PLEKHG1: variants seen among roughly 807,000 people sequenced by gnomAD.
PLEKHG1 encodes pleckstrin homology domain-containing family G member 1.
A neutral mutation model predicts 100.8 loss-of-function variants in PLEKHG1; 44 were observed. The ratio of observed to expected loss-of-function variants is 0.44; its 90% CI spans 0.34 to 0.56. The LOEUF (loss-of-function observed/expected upper bound fraction) is 0.56. PLEKHG1 is among the 20% of genes least tolerant of loss of function. The pLI, the probability that PLEKHG1 is intolerant of heterozygous loss-of-function variation, is 0.01. For synonymous variants in PLEKHG1, 640 were observed against 662.5 expected (o/e 0.97, Z 0.52); for missense variants, 1,545 against 1,720.9 (o/e 0.90, Z 1.81).
upstream of PLEKHG1, among the ~76,000 whole-genome samples, chr6:150,720,157 G>A (rs1180314957): frequency 4.6e-5 from 7 of 152,142 alleles, no homozygotes; most frequent in Non-Finnish European, 1.0e-4. Flanking sequence ...TTTTGAATTT[G>A]AGTTCCACAG....
At chr6:150,820,431 T>A (rs564027282) in intron 12 of PLEKHG1, among the ~76,000 whole-genome samples, 1 of 152,312 alleles carries the variant, frequency 6.6e-6, no homozygotes, top group East Asian at 1.9e-4. Flanking sequence ...AACTATTGTC[T>A]TAGTTCAGAC....
At chr6:150,839,877 T>C in exon 16 of PLEKHG1, 1 of 1,613,994 alleles carries the variant, frequency 6.2e-7, no homozygotes, top group East Asian at 2.2e-5. Context: ...CCAGATTGTA[T>C]TCAGAGAGTC....
intron 3 of PLEKHG1, among the ~76,000 whole-genome samples, chr6:150,703,442 A>G (rs1362345614): frequency 6.6e-6 from 1 of 151,998 alleles, no homozygotes; most frequent in African/African-American, 2.4e-5. Flanking sequence ...CTCTACTAAA[A>G]ATACAAAAAT....
chr6:150,778,943 A>G (rs1785140834), intron 3 of PLEKHG1, among the ~76,000 whole-genome samples: 1 of 152,236 alleles, frequency 6.6e-6, no homozygotes, highest in African/African-American at 2.4e-5. Context: ...AAGATATGAC[A>G]GTGTGGAGTC....
intron 6 of PLEKHG1, among the ~76,000 whole-genome samples, chr6:150,801,629 A>G (rs893326320): frequency 6.6e-6 from 1 of 151,518 alleles, no homozygotes. Flanking sequence ...TGGTAGAGAT[A>G]GAGTTTCACC....
intron 12 of PLEKHG1, among the ~76,000 whole-genome samples, chr6:150,820,340 A>T (rs1776225585): frequency 6.6e-6 from 1 of 152,220 alleles, no homozygotes; most frequent in Non-Finnish European, 1.5e-5. Flanking sequence ...GCTAATGAAA[A>T]ATCACGTCCT....
chr6:150,677,283 T>TACGCACACACACACACAC (rs756621195), intron 3 of PLEKHG1, among the ~76,000 whole-genome samples: 22 of 134,264 alleles, frequency 1.6e-4, no homozygotes, highest in African/African-American at 5.1e-4. Flanking sequence ...TTTCTTCCCC[T>TACGCACACACACACACAC]ATACACACAC....
intron 3 of PLEKHG1, chr6:150,663,556 T>TC (rs376524897): frequency 0.13 from 17,028 of 130,090 alleles, 881 homozygotes; most frequent in South Asian, 0.21. Context: ...TCTCTCTCTC[T>TC]TTTTTTTTTT....
rs1040168769 is a variant in PLEKHG1 at position 150,830,194 on chromosome 6, G to A, written c.1471-388G>A. On this transcript the variant is annotated intron_variant, in intron 14 of 15. Transcript: ENST00000358517. Reference sequence around the variant, plus strand: ...GATTTCCTTACTGTGAAATTGGTACGATCATACCTAATTTCATAAAATGAT... The same window carrying A: ...GATTTCCTTACTGTGAAATTGGTACAATCATACCTAATTTCATAAAATGAT... Among the ~76,000 whole-genome samples the A allele has an allele frequency of 2.6e-5, 4 of 152,144 alleles. No homozygotes were observed. In the East Asian group the frequency reaches 5.8e-4, roughly 22 times the overall value.
intron 3 of PLEKHG1, among the ~76,000 whole-genome samples, chr6:150,672,283 T>C (rs1779611212): frequency 1.3e-5 from 2 of 152,206 alleles, no homozygotes; most frequent in South Asian, 2.1e-4. Context: ...TGGAGAAAAT[T>C]AGAGCCTGAT....
chr6:150,637,390 GT>G lies in PLEKHG1; in HGVS notation c.-203-679del, dbSNP rs1011910142. ...TTTTTGTTTGTTTGTTTGTTTTTGGGTTTTTTTTTTTACTTTTTTAATTTCA... is the reference window on the plus strand; with the variant it reads ...TTTTTGTTTGTTTGTTTGTTTTTGGGTTTTTTTTTTACTTTTTTAATTTCA... On this transcript the variant is annotated intron_variant, in intron 1 of 3. Coordinates refer to the PLEKHG1 transcript ENST00000367326. Among the ~76,000 whole-genome samples, 59 of 144,530 alleles carry G rather than the reference GT, an allele frequency of 4.1e-4. 1 individual carries two copies. The East Asian group carries it at 7.4e-3, about 18-fold the overall frequency. 94.8% of individuals were successfully genotyped at this position (144,530 alleles called of 152,430 possible).
At chr6:150,748,021 C>T (rs991769347) in intron 2 of PLEKHG1, among the ~76,000 whole-genome samples, 26 of 152,186 alleles carry the variant, frequency 1.7e-4, no homozygotes, top group African/African-American at 5.5e-4. Flanking sequence ...ACTGAAATTC[C>T]GCACCCAATA....
chr6:150,759,048 G>T (rs966208228), intron 2 of PLEKHG1, among the ~76,000 whole-genome samples: 6 of 152,156 alleles, frequency 3.9e-5, no homozygotes, highest in Non-Finnish European at 7.4e-5. Context: ...TGTTTCTGTG[G>T]GACGAGGTAT....
chr6:150,621,500 G>A (rs781163897), intron 1 of PLEKHG1, among the ~76,000 whole-genome samples: 5 of 151,550 alleles, frequency 3.3e-5, no homozygotes, highest in Non-Finnish European at 7.4e-5. Flanking sequence ...TCAGCTTCCC[G>A]AGTAGCTGGA....
At chr6:150,727,774 A>G (rs1414217134) in intron 1 of PLEKHG1, among the ~76,000 whole-genome samples, 1 of 152,182 alleles carries the variant, frequency 6.6e-6, no homozygotes, top group Non-Finnish European at 1.5e-5. Context: ...GAACCAGCTT[A>G]TTTTAGGGTC....
intron 3 of PLEKHG1, among the ~76,000 whole-genome samples, chr6:150,773,797 C>T (rs1435073853): frequency 6.6e-6 from 1 of 152,160 alleles, no homozygotes; most frequent in Non-Finnish European, 1.5e-5. Flanking sequence ...ACAGAATTGA[C>T]ATCTTTACAT....
rs1583089069 is a variant in PLEKHG1 at position 150,768,499 on chromosome 6, C to G, written c.412-139C>G. The G allele has an allele frequency of 1.3e-5, 8 of 623,164 alleles. No homozygotes were observed. The East Asian group carries it at 1.9e-4, about 15-fold the overall frequency. The allele number at this position is 623,164 out of a possible 1,614,324, so 38.6% of individuals were successfully genotyped here. A position where few individuals can be genotyped will look rare whatever the true frequency, so the allele number is the denominator to read the frequency against. On this transcript the variant is annotated intron_variant, in intron 2 of 15. Transcript: ENST00000358517. ...AGTATTAGGGCCAGTAATAAGAGAG[C>G]AACTGTGTACTCTCAGAGTTAATGA...
At chr6:150,689,817 T>G (rs1023795348) in intron 3 of PLEKHG1, among the ~76,000 whole-genome samples, 4 of 148,842 alleles carry the variant, frequency 2.7e-5, no homozygotes, top group African/African-American at 1.0e-4. Flanking sequence ...ATTGTGCCAT[T>G]GCACTCCAGC....
intron 14 of PLEKHG1, among the ~76,000 whole-genome samples, chr6:150,826,233 G>A (rs1051436275): frequency 2.0e-5 from 3 of 152,022 alleles, no homozygotes; most frequent in Non-Finnish European, 4.4e-5. Flanking sequence ...CACAGCGGGC[G>A]GATTGCCTAA....
Sources: allele counts gnomAD v4.1 joint callset (sites outside exome capture counted in the v4.1 genomes callset), GRCh38; gene constraint gnomAD v4.1.1; transcripts MANE v1.5; gene names NCBI Gene and HGNC (gene_info 2026-07-23, HGNC 2026-07-21).